The following CCDC192 variants were observed in gnomAD, a reference collection of about 807,000 sequenced individuals.
CCDC192 encodes the protein coiled-coil domain-containing protein 192.
intron 5 of CCDC192, among the ~76,000 whole-genome samples, chr5:127,845,677 G>A (rs530230475): frequency 2.6e-5 from 4 of 152,214 alleles, no homozygotes; most frequent in South Asian, 4.1e-4. Context: ...ATTCTATTGC[G>A]AGCAAGACCT....
chr5:127,826,161 G>C (rs1749521051), intron 5 of CCDC192, among the ~76,000 whole-genome samples: 1 of 152,118 alleles, frequency 6.6e-6, no homozygotes, highest in Non-Finnish European at 1.5e-5. Context: ...GAATCAGAGA[G>C]ATGGATTAGA....
At chr5:127,915,606 C>A (rs541445125) in intron 6 of CCDC192, among the ~76,000 whole-genome samples, 1 of 152,340 alleles carries the variant, frequency 6.6e-6, no homozygotes, top group African/African-American at 2.4e-5. Flanking sequence ...TGGTCTTGAT[C>A]TCCTGACCTC....
At chr5:127,773,172 A>G (rs180749503) in intron 3 of CCDC192, among the ~76,000 whole-genome samples, 1 of 152,356 alleles carries the variant, frequency 6.6e-6, no homozygotes, top group East Asian at 1.9e-4. Context: ...AAATGAAACC[A>G]GTGAATCCAA....
At chr5:127,733,786 C>T (rs906211575) in intron 2 of CCDC192, among the ~76,000 whole-genome samples, 1 of 151,526 alleles carries the variant, frequency 6.6e-6, no homozygotes, top group African/African-American at 2.4e-5. Flanking sequence ...TCCACCAAGC[C>T]AGATTCCACG....
At chr5:127,788,313 C>T (rs1756677368) in intron 3 of CCDC192, among the ~76,000 whole-genome samples, 1 of 152,116 alleles carries the variant, frequency 6.6e-6, no homozygotes, top group Admixed American at 6.6e-5. Flanking sequence ...ATCTATGTGA[C>T]TATGTGACTA....
chr5:127,918,912 T>A (rs1479387845), intron 6 of CCDC192, among the ~76,000 whole-genome samples: 1 of 151,758 alleles, frequency 6.6e-6, no homozygotes, highest in Non-Finnish European at 1.5e-5. Context: ...TATGTTTGCA[T>A]ATGTGTGTAT....
intron 5 of CCDC192, among the ~76,000 whole-genome samples, chr5:127,866,421 T>C (rs888877440): frequency 1.3e-5 from 2 of 149,856 alleles, no homozygotes; most frequent in African/African-American, 4.9e-5. Context: ...AGGAAAAAAC[T>C]TAGCTTGAGA....
chr5:127,764,141 T>C (rs571932818), intron 3 of CCDC192, among the ~76,000 whole-genome samples: 2 of 152,338 alleles, frequency 1.3e-5, no homozygotes, highest in East Asian at 1.9e-4. Flanking sequence ...TTTTCCATTA[T>C]ACATTTGGAG....
At chr5:127,876,384 A>G (rs1752080183) in intron 6 of CCDC192, among the ~76,000 whole-genome samples, 1 of 152,204 alleles carries the variant, frequency 6.6e-6, no homozygotes, top group African/African-American at 2.4e-5. Context: ...CTCTAAGGTA[A>G]GTACATTTAA....
At chr5:127,832,069 A>C (rs1749823309) in intron 5 of CCDC192, among the ~76,000 whole-genome samples, 1 of 152,146 alleles carries the variant, frequency 6.6e-6, no homozygotes, top group South Asian at 2.1e-4. Context: ...GAAAAAGAAC[A>C]ACCCAGTAGA....
chr5:127,788,421 G>C (rs1361280288), intron 3 of CCDC192, among the ~76,000 whole-genome samples: 1 of 152,082 alleles, frequency 6.6e-6, no homozygotes, highest in Admixed American at 6.6e-5. Flanking sequence ...TGAGTCTAAA[G>C]TGAGTTTCTT....
chr5:127,841,135 AG>A (rs1750265390), intron 5 of CCDC192, among the ~76,000 whole-genome samples: 1 of 152,230 alleles, frequency 6.6e-6, no homozygotes, highest in Non-Finnish European at 1.5e-5. Context: ...GTTAGCAGAA[AG>A]ACATTTCTTC....
intron 2 of CCDC192, among the ~76,000 whole-genome samples, chr5:127,750,950 T>G (rs1482945554): frequency 2.0e-5 from 3 of 149,348 alleles, no homozygotes; most frequent in Admixed American, 2.0e-4. Context: ...TGCCTTTTTT[T>G]GTTTTCCATT....
intron 3 of CCDC192, chr5:127,786,303 A>G: frequency 1.6e-6 from 1 of 635,198 alleles, no homozygotes; most frequent in Admixed American, 2.5e-5. Flanking sequence ...GCAAGAATTC[A>G]GTACTCTCTG....
chr5:127,815,932 G>A (rs993427144), intron 5 of CCDC192, among the ~76,000 whole-genome samples: 6 of 152,062 alleles, frequency 3.9e-5, no homozygotes, highest in Non-Finnish European at 2.9e-5. Context: ...ATCCATGACT[G>A]ATTATATTTG....
chr5:127,835,398 C>T (rs752525088), intron 5 of CCDC192, among the ~76,000 whole-genome samples: 21 of 152,316 alleles, frequency 1.4e-4, no homozygotes, highest in African/African-American at 1.9e-4. Flanking sequence ...TCAACTTTCA[C>T]AGTCTTCTCT....
chr5:127,750,334 A>C (rs560007958), intron 2 of CCDC192, among the ~76,000 whole-genome samples: 19 of 152,320 alleles, frequency 1.2e-4, no homozygotes, highest in Middle Eastern at 3.4e-3. Context: ...CAGTGGTTTC[A>C]AAGAACATCT....
chr5:127,792,507 C>A (rs886387636), intron 3 of CCDC192, among the ~76,000 whole-genome samples: 2 of 143,088 alleles, frequency 1.4e-5, no homozygotes, highest in African/African-American at 2.6e-5. Flanking sequence ...GGGACACAAC[C>A]AAACCATATC....
intron 5 of CCDC192, among the ~76,000 whole-genome samples, chr5:127,816,123 G>A (rs1204007731): frequency 1.3e-5 from 2 of 152,118 alleles, no homozygotes; most frequent in African/African-American, 4.8e-5. Context: ...GGCTTATGAT[G>A]GACTTGGCAA....
Sources: allele counts gnomAD v4.1 joint callset (sites outside exome capture counted in the v4.1 genomes callset), GRCh38; gene constraint gnomAD v4.1.1; transcripts MANE v1.5; gene names NCBI Gene and HGNC (gene_info 2026-07-23, HGNC 2026-07-21).